The following RASGRF2 variants were observed in gnomAD, a reference collection of about 807,000 sequenced individuals.
RASGRF2 encodes ras-specific guanine nucleotide-releasing factor 2.
A neutral mutation model predicts 151.0 loss-of-function variants in RASGRF2; 76 were observed. That is an observed-to-expected ratio of 0.50 (90% confidence interval 0.42 to 0.61). The LOEUF (loss-of-function observed/expected upper bound fraction) is 0.61, where lower values mean the gene tolerates loss of function less well. Among genes scored for constraint, RASGRF2 ranks in the 20% least tolerant of loss-of-function variants. The pLI is 0.00. For missense variants in RASGRF2, 1,148 were observed against 1,564.6 expected (o/e 0.73, Z 4.49); for synonymous variants, 504 against 566.5 (o/e 0.89, Z 1.57).
chr5:80,996,505 C>CTTCCTCCTCCTCTTCTTCTTCTTCT (rs56082157), intron 1 of RASGRF2, among the ~76,000 whole-genome samples: 2 of 47,778 alleles, frequency 4.2e-5, no homozygotes, highest in Non-Finnish European at 3.8e-5. Context: ...CTTCTTCTTC[C>CTTCCTCCTCCTCTTCTTCTTCTTCT]TCCTCCTCCT....
intron 1 of RASGRF2, among the ~76,000 whole-genome samples, chr5:80,969,381 C>A (rs35979732): frequency 9.8e-4 from 148 of 151,004 alleles, no homozygotes; most frequent in African/African-American, 3.3e-3. Context: ...TGATCTGCCC[C>A]CCTTGGCCTC....
chr5:81,110,107 A>G (rs1397747003), intron 13 of RASGRF2, among the ~76,000 whole-genome samples: 2 of 152,098 alleles, frequency 1.3e-5, no homozygotes, highest in African/African-American at 2.4e-5. Flanking sequence ...CTATTTCCCT[A>G]TCTATAAACT....
intron 24 of RASGRF2, chr5:81,216,977 A>G (rs1168036434): frequency 1.3e-5 from 6 of 457,908 alleles, no homozygotes; most frequent in Admixed American, 1.2e-4. Flanking sequence ...ATCAAGGCTG[A>G]ATACTTGATT....
chr5:81,090,743 G>A (rs1298250871), intron 9 of RASGRF2, among the ~76,000 whole-genome samples: 1 of 152,064 alleles, frequency 6.6e-6, no homozygotes, highest in Non-Finnish European at 1.5e-5. Flanking sequence ...CACAGTAATT[G>A]CTAATATATG....
intron 17 of RASGRF2, among the ~76,000 whole-genome samples, chr5:81,160,820 A>C (rs760972127): frequency 5.3e-5 from 8 of 150,588 alleles, no homozygotes; most frequent in Non-Finnish European, 1.0e-4. Flanking sequence ...CCTGTGAACT[A>C]TGATCACATC....
At chr5:81,074,482 C>T (rs2112466046) in intron 5 of RASGRF2, among the ~76,000 whole-genome samples, 1 of 152,130 alleles carries the variant, frequency 6.6e-6, no homozygotes, top group Admixed American at 6.5e-5. Context: ...ACCCGATTCC[C>T]CCCACTTTCT....
At chr5:80,980,621 G>A (rs1209346716) in intron 1 of RASGRF2, among the ~76,000 whole-genome samples, 2 of 151,838 alleles carry the variant, frequency 1.3e-5, no homozygotes, top group East Asian at 1.9e-4. Context: ...TAGCCTGGGC[G>A]ACTGAGCCAG....
At chr5:81,201,038 TC>T (rs1755376973) in intron 18 of RASGRF2, among the ~76,000 whole-genome samples, 1 of 151,970 alleles carries the variant, frequency 6.6e-6, no homozygotes, top group Non-Finnish European at 1.5e-5. Context: ...CCTCGTAAGC[TC>T]TGTTAAGGAC....
At chr5:80,966,320 C>T (rs1213562061) in intron 1 of RASGRF2, among the ~76,000 whole-genome samples, 2 of 152,010 alleles carry the variant, frequency 1.3e-5, no homozygotes, top group East Asian at 3.9e-4. Context: ...TGTTAAATTA[C>T]TCACAATATA....
chr5:81,105,907 A>T (rs1393006855), intron 12 of RASGRF2, among the ~76,000 whole-genome samples: 1 of 152,184 alleles, frequency 6.6e-6, no homozygotes, highest in African/African-American at 2.4e-5. Flanking sequence ...TGCCTTACTC[A>T]TCTTCAAACT....
chr5:81,160,147 C>G (rs143611453), intron 17 of RASGRF2, among the ~76,000 whole-genome samples: 1 of 152,210 alleles, frequency 6.6e-6, no homozygotes, highest in Non-Finnish European at 1.5e-5. Context: ...AGGCCGGGTG[C>G]GGTGGCTCAC....
chr5:80,983,939 T>C (rs1452439907), intron 1 of RASGRF2, among the ~76,000 whole-genome samples: 2 of 152,364 alleles, frequency 1.3e-5, no homozygotes, highest in Middle Eastern at 3.4e-3. Context: ...GGCTTACATT[T>C]GTGGTGCGTA....
chr5:81,138,004 G>C (rs896904646), intron 17 of RASGRF2, among the ~76,000 whole-genome samples: 4 of 152,184 alleles, frequency 2.6e-5, no homozygotes, highest in Non-Finnish European at 5.9e-5. Flanking sequence ...GATGTTTGCT[G>C]TAGCTATAGG....
chr5:81,064,518 G>A (rs951953039), intron 2 of RASGRF2, among the ~76,000 whole-genome samples: 1 of 152,142 alleles, frequency 6.6e-6, no homozygotes. Flanking sequence ...GATCATTAGG[G>A]GGCCATCTTA....
intron 26 of RASGRF2, 30 bp downstream of exon 26, chr5:81,219,808 T>C (rs771330989): frequency 6.6e-7 from 1 of 1,513,390 alleles, no homozygotes. Flanking sequence ...AAGAAATTAA[T>C]AAAGAAAAAA....
At chr5:80,985,943 G>GTA (rs1395318523) in intron 1 of RASGRF2, among the ~76,000 whole-genome samples, 2 of 151,990 alleles carry the variant, frequency 1.3e-5, no homozygotes, top group African/African-American at 2.4e-5. Flanking sequence ...GTGTGTGTGT[G>GTA]TATGTGTGTG....
At chr5:81,207,189 A>G (rs765531052) in intron 20 of RASGRF2, 57 bp from the exon 21 acceptor site, 32 of 1,445,352 alleles carry the variant, frequency 2.2e-5, no homozygotes, top group Non-Finnish European at 2.8e-5. Context: ...CTGACCTGCA[A>G]TGAGATGGCA....
chr5:80,961,789 C>G (rs959157700), intron 1 of RASGRF2, among the ~76,000 whole-genome samples: 10 of 152,006 alleles, frequency 6.6e-5, no homozygotes, highest in African/African-American at 2.2e-4. Context: ...TGCTCATGGT[C>G]GCGGGGTGGG....
chr5:81,013,954 A>C (rs996598572), intron 1 of RASGRF2, among the ~76,000 whole-genome samples: 2 of 152,100 alleles, frequency 1.3e-5, no homozygotes, highest in Admixed American at 6.5e-5. Flanking sequence ...GAATGTTTTT[A>C]TACTCATTAG....
Sources: allele counts gnomAD v4.1 joint callset (sites outside exome capture counted in the v4.1 genomes callset), GRCh38; gene constraint gnomAD v4.1.1; transcripts MANE v1.5; gene names NCBI Gene and HGNC (gene_info 2026-07-23, HGNC 2026-07-21).